The following PPARA variants were observed in gnomAD, a reference collection of about 807,000 sequenced individuals.
PPARA encodes peroxisome proliferator activated receptor alpha, also known as peroxisome proliferator-activated receptor alpha.
PPARA carries 22 observed loss-of-function variants against 42.2 expected under a neutral mutation model. The ratio of observed to expected loss-of-function variants is 0.52; its 90% confidence interval spans 0.37 to 0.74. The LOEUF is 0.74. PPARA is among the 30% of genes least tolerant of loss of function. The pLI is 0.00. For missense variants in PPARA, 465 were observed against 608.2 expected, an observed-to-expected ratio of 0.76 and a Z score of 2.48; for synonymous variants, 242 against 239.3, an observed-to-expected ratio of 1.01 and a Z score of -0.10.
At chr22:46,223,823 G>C in intron 7 of PPARA, among the ~76,000 whole-genome samples, 1 of 148,326 alleles carries the variant, frequency 6.7e-6, no homozygotes, top group Non-Finnish European at 1.5e-5. Context: ...GGCAGTGTGC[G>C]CCTGTAGTCC....
At chr22:46,229,482 G>A (rs1935717648) in intron 7 of PPARA, among the ~76,000 whole-genome samples, 1 of 151,874 alleles carries the variant, frequency 6.6e-6, no homozygotes, top group South Asian at 2.1e-4. Flanking sequence ...GAACTCAGGA[G>A]GCGGAGGCAG....
chr22:46,191,036 A>G lies in PPARA; in HGVS notation c.-42-7306A>G, dbSNP rs1048526754. ...GTGAAACCACATCTCTACTAAATATACAAAAAATTAGCCGGGCGTGGTGGT... is the reference window on the plus strand; with the variant it reads ...GTGAAACCACATCTCTACTAAATATGCAAAAAATTAGCCGGGCGTGGTGGT... On this transcript the variant is annotated intron_variant, in intron 3 of 8. Transcript: ENST00000407236. This position sits in a 1 kb window ranked among gnomAD's most constrained non-coding sequence, Gnocchi z 4.6. Among the ~76,000 whole-genome samples the G allele has an allele frequency of 9.9e-5, 15 of 152,104 alleles. No individual in the cohort carries two copies. The highest frequency in any genetic ancestry group is 3.6e-4 in the African/African-American group (15 of 41,418).
Position 46,203,391 on chromosome 22 carries a change from C to T in PPARA, c.208+4800C>T, listed in dbSNP as rs774867761. On this transcript the variant is annotated intron_variant, in intron 4 of 8. Coordinates refer to ENST00000407236, the MANE Select transcript of PPARA (RefSeq NM_005036.6). This position sits in a 1 kb window ranked among gnomAD's most constrained non-coding sequence, Gnocchi z 5.8. ...TCACTCGGCCAAAGTACCATTTTAT[C>T]TCTGCTTTTTCTTCCCGGCTTTATT... Among the ~76,000 whole-genome samples, 46 of 152,300 alleles carry T rather than the reference C, an allele frequency of 3.0e-4. No homozygotes were observed. Among genetic ancestry groups the T allele is most frequent in the Non-Finnish European group, 4.4e-4 (30 of 68,032 alleles).
In PPARA at chr22:46,233,403, A is replaced by C. The variant is rs1352315801; in HGVS notation, c.1159+1164A>C. Among the ~76,000 whole-genome samples the C allele has an allele frequency of 6.6e-6, 1 of 152,010 alleles. No individual in the cohort carries two copies. The highest frequency in any genetic ancestry group is 1.5e-5 in the Non-Finnish European group (1 of 68,012). ...TAGGAAGGTCATCCACCTACTGCAA[A>C]CTCGGCTGACCTTACCCAGGGTTGG... On this transcript the variant is annotated intron_variant, in intron 8 of 8. Coordinates refer to ENST00000407236, the MANE Select transcript of PPARA (RefSeq NM_005036.6). This position sits in a 1 kb window ranked among gnomAD's most constrained non-coding sequence, Gnocchi z 7.3.
chr22:46,167,945 C>A lies in PPARA; in HGVS notation c.-126-8808C>A, dbSNP rs4253643. The stretch of plus-strand genomic sequence containing the variant: ...ACATGTCTGTAGTCCTAGCTACTCA[C>A]GAAGCTGAGGCAGGAGGATCACTTG... On this transcript the variant is annotated intron_variant, in intron 2 of 8. Coordinates refer to ENST00000407236, the MANE Select transcript of PPARA (RefSeq NM_005036.6). The surrounding 1 kb of genome is among the most constrained non-coding windows in gnomAD (Gnocchi z 4.1). Among the ~76,000 whole-genome samples the A allele has an allele frequency of 6.6e-6, 1 of 151,444 alleles. No individual in the cohort carries two copies. Among genetic ancestry groups the A allele is most frequent in the Non-Finnish European group, 1.5e-5 (1 of 67,864 alleles).
Position 46,219,140 on chromosome 22 carries a change from C to T in PPARA, c.509-672C>T, listed in dbSNP as rs766460662. Among the ~76,000 whole-genome samples the T allele has an allele frequency of 1.3e-5, 2 of 151,472 alleles. No individual in the cohort carries two copies. The highest frequency in any genetic ancestry group is 2.4e-5 in the African/African-American group (1 of 41,174). On this transcript the variant is annotated intron_variant, in intron 6 of 8. Coordinates refer to ENST00000407236, the MANE Select transcript of PPARA (RefSeq NM_005036.6). The surrounding 1 kb of genome is among the most constrained non-coding windows in gnomAD (Gnocchi z 4.8). ...TCGCACCACTGCACTCCAGCCTGGG[C>T]GACAGAGTGCGACTCCGTCTCAAAA...
intron 2 of PPARA, among the ~76,000 whole-genome samples, chr22:46,157,689 G>A (rs907186528): frequency 2.0e-5 from 3 of 152,186 alleles, no homozygotes; most frequent in Non-Finnish European, 4.4e-5. Context: ...TAGGGAAGGG[G>A]TATGGTGAAA....
At chr22:46,176,968 TG>T in intron 3 of PPARA, 132 bp downstream of exon 3, 1 of 152,400 alleles carries the variant, frequency 6.6e-6, no homozygotes, top group Non-Finnish European at 1.5e-5. Context: ...CCCAGGACTT[TG>T]GGGGGCCAAG....
At chr22:46,158,834 A>T (rs1363208071) in intron 2 of PPARA, among the ~76,000 whole-genome samples, 1 of 152,206 alleles carries the variant, frequency 6.6e-6, no homozygotes, top group African/African-American at 2.4e-5. Flanking sequence ...TCTAGACTGC[A>T]GTCTCATTTT....
At chr22:46,215,584 CA>C (rs975595434) in intron 5 of PPARA, among the ~76,000 whole-genome samples, 8 of 150,236 alleles carry the variant, frequency 5.3e-5, no homozygotes, top group Admixed American at 1.3e-4. Flanking sequence ...CTAAAAATAC[CA>C]AAAAAAATTA....
Position 46,231,955 on chromosome 22 carries a change from A to G in PPARA, c.875A>G (p.Lys292Arg), listed in dbSNP as rs773411072. ...ETVTELTEFA[K>R]AIPGFANLDL... ...GTCACGGAGCTCACGGAATTCGCCAAGGCCATCCCAGGCTTCGCAAACTTG... is the reference window on the plus strand; with the variant it reads ...GTCACGGAGCTCACGGAATTCGCCAGGGCCATCCCAGGCTTCGCAAACTTG... The change falls in exon 8 of 9, where the codon AAG (lysine) becomes AGG (arginine). Residue 292 changes from lysine to arginine, a missense_variant. Physicochemically the swap from Lys to Arg is conservative, Grantham distance 26. Transcript: ENST00000407236. This position sits in a 1 kb window ranked among gnomAD's most constrained non-coding sequence, Gnocchi z 7.7. 4.0e-5 allele frequency: 64 copies of G among 1,614,252 alleles called. No individual in the cohort carries two copies. Among genetic ancestry groups the G allele is most frequent in the Non-Finnish European group, 5.4e-5 (64 of 1,180,048 alleles).
At chr22:46,220,103 G>GA (rs1167102262) in intron 7 of PPARA, 89 bp downstream of exon 7, 1 of 1,419,376 alleles carries the variant, frequency 7.0e-7, no homozygotes, top group Non-Finnish European at 9.8e-7. Context: ...TGAATGTTGA[G>GA]AAAATTATAT....
rs755497249 is a variant in PPARA, at chr22:46,180,820, G to A, written c.-43+3984G>A. ...TTTTCTGGGGGCTCGTCCGGGATTG[G>A]AGATGGCAGATTTTCTGTCTCCCTT... On this transcript the variant is annotated intron_variant, in intron 3 of 8. Transcript: ENST00000407236. This position sits in a 1 kb window ranked among gnomAD's most constrained non-coding sequence, Gnocchi z 4.2. Among the ~76,000 whole-genome samples the A allele has an allele frequency of 3.1e-4, 47 of 152,198 alleles. No homozygotes were observed. The highest frequency in any genetic ancestry group is 5.6e-4 in the Non-Finnish European group (38 of 68,036).
At position 46,191,037 on chromosome 22, in the gene PPARA, C is replaced by T. The variant is rs1931465769; in HGVS notation, c.-42-7305C>T. Among the ~76,000 whole-genome samples, 1 of 151,902 alleles carries T rather than the reference C, an allele frequency of 6.6e-6. No individual in the cohort carries two copies. Among genetic ancestry groups the T allele is most frequent in the South Asian group, 2.1e-4 (1 of 4,820 alleles). ...TGAAACCACATCTCTACTAAATATA[C>T]AAAAAATTAGCCGGGCGTGGTGGTG... On this transcript the variant is annotated intron_variant, in intron 3 of 8. Transcript: ENST00000407236. This position sits in a 1 kb window ranked among gnomAD's most constrained non-coding sequence, Gnocchi z 4.6.
At chr22:46,197,732 T>C (rs1932449347) in intron 3 of PPARA, among the ~76,000 whole-genome samples, 1 of 150,544 alleles carries the variant, frequency 6.6e-6, no homozygotes, top group African/African-American at 2.5e-5. Flanking sequence ...TAAAAACCCG[T>C]CTCTACTAAT....
chr22:46,238,493 A>T lies in PPARA; in HGVS notation c.*3113A>T, dbSNP rs1461749095. On this transcript the variant is annotated 3_prime_UTR_variant, in exon 9 of 9. Transcript: ENST00000407236. The surrounding 1 kb of genome is among the most constrained non-coding windows in gnomAD (Gnocchi z 8.3). ...GTGGCACCCGCTCCCTCTGGCAGCGAATGTAGGAAGTCGCCAAATTTACCC... is the reference window on the plus strand; with the variant it reads ...GTGGCACCCGCTCCCTCTGGCAGCGTATGTAGGAAGTCGCCAAATTTACCC... 1 of 152,268 alleles carries T rather than the reference A, an allele frequency of 6.6e-6. No individual in the cohort carries two copies. Among genetic ancestry groups the T allele is most frequent in the Non-Finnish European group, 1.5e-5 (1 of 68,048 alleles). 9.4% of individuals were successfully genotyped at this position (152,268 alleles called of 1,614,324 possible).
rs1327622672 is a variant in PPARA at position 46,241,065 on chromosome 22, C to T, written c.*5685C>T. 1 of 152,276 alleles carries T rather than the reference C, an allele frequency of 6.6e-6. No homozygotes were observed. Among genetic ancestry groups the T allele is most frequent in the Non-Finnish European group, 1.5e-5 (1 of 68,066 alleles). 9.4% of individuals were successfully genotyped at this position (152,276 alleles called of 1,614,324 possible). On this transcript the variant is annotated 3_prime_UTR_variant, in exon 9 of 9. Coordinates refer to ENST00000407236, the MANE Select transcript of PPARA (RefSeq NM_005036.6). This position sits in a 1 kb window ranked among gnomAD's most constrained non-coding sequence, Gnocchi z 5.7. Reference sequence around the variant, plus strand: ...GCTGAGGGCAACAAAGGCCATCTCACCAAAGGATTATTCGATGCCATTAAA... The same window carrying T: ...GCTGAGGGCAACAAAGGCCATCTCATCAAAGGATTATTCGATGCCATTAAA...
At position 46,219,935 on chromosome 22, in the gene PPARA, A is replaced by G. The variant is rs1310280047; in HGVS notation, c.632A>G (p.Tyr211Cys). 1.2e-6 allele frequency: 2 copies of G among 1,614,146 alleles called. No homozygotes were observed. Among genetic ancestry groups the G allele is most frequent in the African/African-American group, 1.3e-5 (1 of 74,954 alleles). Reference protein sequence around the residue: ...ADLKSLAKRIYEAYLKNFNMN... With the variant: ...ADLKSLAKRICEAYLKNFNMN... Reference sequence around the variant, plus strand: ...CTCAAATCTCTGGCCAAGAGAATCTACGAGGCCTACTTGAAGAACTTCAAC... The same window carrying G: ...CTCAAATCTCTGGCCAAGAGAATCTGCGAGGCCTACTTGAAGAACTTCAAC... Residue 211 changes from tyrosine (Y) to cysteine (C), a missense_variant, in exon 7 of 9, where the codon TAC becomes TGC. Coordinates refer to ENST00000407236, the MANE Select transcript of PPARA (RefSeq NM_005036.6). This position sits in a 1 kb window ranked among gnomAD's most constrained non-coding sequence, Gnocchi z 4.8.
In PPARA at chr22:46,211,476, C is replaced by T. The variant is rs1309472700; in HGVS notation, c.209-3697C>T. Reference sequence around the variant, plus strand: ...TTATTCGGTGCAGCGCCTTTCCGCACCTGCACCCACTTTTTCCCCTGAGAT... The same window carrying T: ...TTATTCGGTGCAGCGCCTTTCCGCATCTGCACCCACTTTTTCCCCTGAGAT... On this transcript the variant is annotated intron_variant, in intron 4 of 8. Transcript: ENST00000407236. This position sits in a 1 kb window ranked among gnomAD's most constrained non-coding sequence, Gnocchi z 4.1. Among the ~76,000 whole-genome samples, 2 of 152,250 alleles carry T rather than the reference C, an allele frequency of 1.3e-5. No individual in the cohort carries two copies. The highest frequency in any genetic ancestry group is 3.8e-4 in the East Asian group (2 of 5,202).
Sources: allele counts gnomAD v4.1 joint callset (sites outside exome capture counted in the v4.1 genomes callset), GRCh38; gene constraint gnomAD v4.1.1; non-coding constraint Gnocchi (gnomAD v3.1); transcripts MANE v1.5; gene names NCBI Gene and HGNC (gene_info 2026-07-23, HGNC 2026-07-21).